MYO1H: variants seen among roughly 807,000 people sequenced by gnomAD.
MYO1H encodes myosin IH.
Under a neutral mutation model 149.3 loss-of-function variants are expected in MYO1H, and 118 were observed. That is an observed-to-expected ratio of 0.79 (90% CI 0.68 to 0.92). MYO1H has a LOEUF of 0.92. Among genes scored for constraint, MYO1H ranks in the 40% least tolerant of loss-of-function variants. The probability of loss-of-function intolerance (pLI) is 0.00; values close to 1 mark genes in which losing one functional copy is unlikely to be tolerated. For synonymous variants in MYO1H, 447 were observed against 465.2 expected (o/e 0.96, Z 0.50); for missense variants, 1,212 against 1,280.7 (o/e 0.95, Z 0.82).
At chr12:109,327,731 A>G in the MYO1H span, among the ~76,000 whole-genome samples, 1 of 108,694 alleles carries the variant, frequency 9.2e-6, no homozygotes, top group Admixed American at 1.1e-4. Context: ...GAAAGAGCAA[A>G]ACTGTCTCAA....
At chr12:109,402,092 T>C (rs921625579) in intron 6 of MYO1H, among the ~76,000 whole-genome samples, 1 of 152,172 alleles carries the variant, frequency 6.6e-6, no homozygotes, top group Non-Finnish European at 1.5e-5. Context: ...AAATGTTTGC[T>C]GCCAAATGAA....
At chr12:109,413,712 C>T (rs1338134819) in intron 14 of MYO1H, among the ~76,000 whole-genome samples, 1 of 152,144 alleles carries the variant, frequency 6.6e-6, no homozygotes, top group East Asian at 1.9e-4. Flanking sequence ...GAGTTCAAGA[C>T]CAGCCTGACC....
chr12:109,436,433 C>A, intron 21 of MYO1H, 55 bp from the exon 22 acceptor site: 1 of 1,356,822 alleles, frequency 7.4e-7, no homozygotes, highest in South Asian at 1.2e-5. Flanking sequence ...AGATCACAAC[C>A]ACAAAGATGC....
intron 1 of MYO1H, among the ~76,000 whole-genome samples, chr12:109,356,849 T>C (rs1466937933): frequency 6.6e-6 from 1 of 152,216 alleles, no homozygotes; most frequent in East Asian, 1.9e-4. Flanking sequence ...AGATAATCCT[T>C]CATTTCAACT....
the MYO1H span, among the ~76,000 whole-genome samples, chr12:109,333,737 G>A: frequency 3.3e-5 from 5 of 152,188 alleles, no homozygotes; most frequent in Middle Eastern, 3.4e-3. Context: ...TTTATGATGC[G>A]GGTACATCTG....
chr12:109,334,032 T>A, the MYO1H span, among the ~76,000 whole-genome samples: 1 of 152,216 alleles, frequency 6.6e-6, no homozygotes, highest in Non-Finnish European at 1.5e-5. Flanking sequence ...TTACTTTTTT[T>A]TTGAGACAGA....
chr12:109,373,464 C>T (rs1182445801), intron 1 of MYO1H, among the ~76,000 whole-genome samples: 4 of 151,992 alleles, frequency 2.6e-5, no homozygotes, highest in East Asian at 1.9e-4. Flanking sequence ...TAATTTTTCA[C>T]ATGATCTATT....
intron 9 of MYO1H, among the ~76,000 whole-genome samples, chr12:109,407,450 T>C (rs76823304): frequency 0.025 from 3,833 of 152,152 alleles, 62 homozygotes; most frequent in Middle Eastern, 0.055. Context: ...CTTCCCAGCA[T>C]GTATCCTTTG....
chr12:109,404,364 C>T (rs759008055), intron 7 of MYO1H, among the ~76,000 whole-genome samples: 1 of 152,156 alleles, frequency 6.6e-6, no homozygotes, highest in South Asian at 2.1e-4. Flanking sequence ...CACCTGTAAT[C>T]CCAGCTACTC....
chr12:109,338,640 C>T, the MYO1H span, among the ~76,000 whole-genome samples: 29 of 151,940 alleles, frequency 1.9e-4, no homozygotes, highest in African/African-American at 5.5e-4. Context: ...TGATGGCACG[C>T]GCCTCTTATC....
chr12:109,368,660 AGG>A (rs1868919102), intron 1 of MYO1H, among the ~76,000 whole-genome samples: 1 of 144,046 alleles, frequency 6.9e-6, no homozygotes, highest in African/African-American at 2.6e-5. Context: ...AAAAAAAAAA[AGG>A]GTTCTTGCTG....
At chr12:109,368,305 A>G (rs78785777) in intron 1 of MYO1H, among the ~76,000 whole-genome samples, 8,440 of 152,286 alleles carry the variant, frequency 0.055, 759 homozygotes, top group African/African-American at 0.19. Flanking sequence ...AGAGCTCAAT[A>G]GATGTTTGGC....
At chr12:109,390,218 T>C (rs1241068091) in intron 2 of MYO1H, among the ~76,000 whole-genome samples, 2 of 151,758 alleles carry the variant, frequency 1.3e-5, no homozygotes, top group African/African-American at 4.8e-5. Context: ...TTTCTTTTTT[T>C]TTTTTTTGAG....
chr12:109,342,283 TAC>T, the MYO1H span, among the ~76,000 whole-genome samples: 4 of 151,624 alleles, frequency 2.6e-5, no homozygotes, highest in African/African-American at 9.7e-5. Context: ...TAGCTAGGAC[TAC>T]AGGCATGCGC....
the MYO1H span, among the ~76,000 whole-genome samples, chr12:109,328,517 T>A: frequency 5.9e-5 from 9 of 152,124 alleles, no homozygotes; most frequent in South Asian, 2.1e-4. Flanking sequence ...TTTAAACTGA[T>A]GAGACAACTG....
At chr12:109,388,896 GCC>G in intron 2 of MYO1H, 52 bp downstream of exon 2, 1 of 1,548,882 alleles carries the variant, frequency 6.5e-7, no homozygotes, top group South Asian at 1.2e-5. Context: ...TTCCCTTCTT[GCC>G]TTCACGACTT....
rs774701726 is a variant in MYO1H at position 109,416,460 on chromosome 12, A to G, written c.1597+840A>G. Among the ~76,000 whole-genome samples the G allele has an allele frequency of 3.3e-5, 5 of 151,310 alleles. No individual in the cohort carries two copies. The South Asian group carries it at 1.0e-3, about 31-fold the overall frequency. ...TGTCTGGTTTCTTTCACTTAACATAATTTTGTCAGGGTTCATCCATGCTTT... is the reference window on the plus strand; with the variant it reads ...TGTCTGGTTTCTTTCACTTAACATAGTTTTGTCAGGGTTCATCCATGCTTT... On this transcript the variant is annotated intron_variant, in intron 15 of 31. Transcript: ENST00000310903.
chr12:109,436,539 T>G (rs1199844258), exon 22 of MYO1H: 1 of 1,608,712 alleles, frequency 6.2e-7, no homozygotes. Context: ...AGAGAATACG[T>G]GAAAAAAAGA....
intron 14 of MYO1H, among the ~76,000 whole-genome samples, chr12:109,413,758 A>C (rs1870774799): frequency 6.6e-6 from 1 of 152,010 alleles, no homozygotes; most frequent in South Asian, 2.1e-4. Flanking sequence ...AAAAATACAA[A>C]AATTAGCCAG....
Sources: gnomAD v4.1 joint callset for allele counts (sites outside exome capture counted in the v4.1 genomes callset) on GRCh38, gnomAD v4.1.1 for gene constraint, MANE v1.5 for transcripts, NCBI Gene and HGNC (gene_info 2026-07-23, HGNC 2026-07-21) for gene names.